Variants in MON2 observed in about 807,000 individuals in gnomAD.
MON2 encodes the protein MON2 regulator of endosome-to-Golgi trafficking.
In MON2, 84 loss-of-function variants were observed where a neutral mutation model predicts 208.6. That is an observed-to-expected ratio of 0.40 (90% CI 0.34 to 0.48). The LOEUF is 0.48. Ranked by LOEUF, MON2 falls within the 20% of genes least tolerant of loss-of-function variation. The pLI is 0.59. For missense variants in MON2, 1,611 were observed against 2,015.4 expected (o/e 0.80, Z 3.84); for synonymous variants, 660 against 694.0 (o/e 0.95, Z 0.77).
chr12:62,534,882 C>T lies in MON2; in HGVS notation c.1671C>T (p.Cys557=), dbSNP rs374699348. 6.2e-7 allele frequency: 1 copy of T among 1,611,900 alleles called. No homozygotes were observed. Among genetic ancestry groups the T allele is most frequent in the Non-Finnish European group, 8.5e-7 (1 of 1,178,860 alleles). ...TTTGGGAAGAAATGGTGAATGCCTG[C>T]TGGTGTGGTCTTCTTGCTGCACTCT... ...RAVWEEMVNA[C]WCGLLAALSL... Residue 557 remains cysteine, a synonymous_variant, in exon 13 of 35, where the codon TGC becomes TGT. Transcript: ENST00000393630.
intron 32 of MON2, among the ~76,000 whole-genome samples, chr12:62,584,585 C>A (rs1378991463): frequency 6.6e-6 from 1 of 151,722 alleles, no homozygotes; most frequent in Non-Finnish European, 1.5e-5. Context: ...TGCCTGTAGT[C>A]CCAGCTATTC....
intron 15 of MON2, 58 bp downstream of exon 15, chr12:62,537,321 C>A: frequency 8.0e-7 from 1 of 1,244,804 alleles, no homozygotes; most frequent in Admixed American, 2.0e-5. Context: ...CTTGTTGTAC[C>A]TATCTTTGTG....
At chr12:62,512,622 G>A (rs953228481) in intron 8 of MON2, among the ~76,000 whole-genome samples, 3 of 152,146 alleles carry the variant, frequency 2.0e-5, no homozygotes, top group Non-Finnish European at 4.4e-5. Flanking sequence ...GTGTCTGTGG[G>A]TCTTCCAGGT....
rs2074161804 is a variant in MON2 at position 62,560,548 on chromosome 12, G to A, written c.3467G>A (p.Ser1156Asn). The part of the protein sequence containing the change: ...LLDHIQSAAL[S>N]KNNEVSLAAL... ...GACCATATACAGTCAGCAGCACTCA[G>A]CAAAAACAATGAAGTATCTCTGGCT... Residue 1156 changes from serine to asparagine, a missense_variant, in exon 26 of 35, where the codon AGC (serine) becomes AAC (asparagine). Physicochemically the swap from Ser to Asn is conservative, Grantham distance 46. Coordinates refer to ENST00000393630, the MANE Select transcript of MON2 (RefSeq NM_015026.3). 6.2e-7 allele frequency: 1 copy of A among 1,613,828 alleles called. No homozygotes were observed. Among genetic ancestry groups the A allele is most frequent in the Non-Finnish European group, 8.5e-7 (1 of 1,179,950 alleles).
chr12:62,523,743 T>A (rs1352839783), intron 8 of MON2, among the ~76,000 whole-genome samples: 1 of 152,140 alleles, frequency 6.6e-6, no homozygotes, highest in African/African-American at 2.4e-5. Flanking sequence ...CAAGAATCAG[T>A]TTGGCCTAAT....
In MON2 at chr12:62,480,298, C is replaced by T. The variant is rs575747644; in HGVS notation, c.112-3872C>T. The stretch of plus-strand genomic sequence containing the variant: ...ACTTGACCAGGCACGGTGGCTCACC[C>T]CTATAATCTCAGCACTTTGGGAAGC... On this transcript the variant is annotated intron_variant, in intron 1 of 34. Transcript: ENST00000393630. Among the ~76,000 whole-genome samples the T allele has an allele frequency of 2.6e-5, 4 of 152,228 alleles. No homozygotes were observed. In the South Asian group the frequency reaches 8.3e-4, roughly 32 times the overall value.
chr12:62,474,102 T>C (rs1400076788), intron 1 of MON2, among the ~76,000 whole-genome samples: 2 of 151,662 alleles, frequency 1.3e-5, no homozygotes, highest in Non-Finnish European at 2.9e-5. Context: ...TAGAACTTCT[T>C]CTTTTTCTTT....
intron 7 of MON2, among the ~76,000 whole-genome samples, chr12:62,503,918 A>G (rs981630122): frequency 2.0e-5 from 3 of 151,900 alleles, no homozygotes; most frequent in African/African-American, 7.2e-5. Flanking sequence ...TATCTTTCTT[A>G]TCTCTCTTTT....
intron 8 of MON2, among the ~76,000 whole-genome samples, chr12:62,510,755 C>T (rs1273197990): frequency 1.3e-5 from 2 of 152,158 alleles, no homozygotes; most frequent in African/African-American, 4.8e-5. Context: ...CCTACTCTTG[C>T]CACTTCTATT....
rs1251354575 is a variant in MON2, at chr12:62,588,061, A to G, written c.4908-13A>G. ...AAAATCTTAATGGAAATGATTTCCTATCTCTTTTTCAGGCAACAAGTAACA... is the reference window on the plus strand; with the variant it reads ...AAAATCTTAATGGAAATGATTTCCTGTCTCTTTTTCAGGCAACAAGTAACA... On this transcript the variant is annotated splice_polypyrimidine_tract_variant and intron_variant, in intron 33 of 34. Coordinates refer to ENST00000393630, the MANE Select transcript of MON2 (RefSeq NM_015026.3). 5 of 1,499,848 alleles carry G rather than the reference A, an allele frequency of 3.3e-6. No homozygotes were observed. Among genetic ancestry groups the G allele is most frequent in the Middle Eastern group, 1.8e-4 (1 of 5,614 alleles). The allele number at this position is 1,499,848 out of a possible 1,614,324, so 92.9% of individuals were successfully genotyped here.
At position 62,591,883 on chromosome 12, in the gene MON2, TA is replaced by T. The variant is rs1245905392; in HGVS notation, c.4991-695del. Among the ~76,000 whole-genome samples the T allele has an allele frequency of 2.0e-5, 3 of 152,182 alleles. No homozygotes were observed. The East Asian group carries it at 5.8e-4, about 29-fold the overall frequency. Reference sequence around the variant, plus strand: ...AAAATTTTAAAAATACCTAAAAGTCTAAAAAAAATCTTGCATATTGGGTGCC... The same window carrying T: ...AAAATTTTAAAAATACCTAAAAGTCTAAAAAAATCTTGCATATTGGGTGCC... On this transcript the variant is annotated intron_variant, in intron 34 of 34. Transcript: ENST00000393630.
chr12:62,544,819 C>T, intron 20 of MON2, 79 bp from the exon 21 acceptor site: 2 of 1,559,868 alleles, frequency 1.3e-6, no homozygotes, highest in Admixed American at 3.7e-5. Context: ...CCTTATTGAA[C>T]ATTTGATATA....
intron 22 of MON2, 108 bp from the exon 23 acceptor site, chr12:62,549,560 C>A: frequency 1.1e-6 from 1 of 915,588 alleles, no homozygotes; most frequent in Non-Finnish European, 1.6e-6. Flanking sequence ...GAGAGTGAGG[C>A]ATGATCGCAC....
intron 11 of MON2, among the ~76,000 whole-genome samples, chr12:62,531,035 G>A (rs1182283216): frequency 2.0e-5 from 3 of 152,106 alleles, no homozygotes; most frequent in Non-Finnish European, 2.9e-5. Flanking sequence ...CATGTTGGGC[G>A]AAATGTCTAT....
rs573513159 is a variant in MON2, at chr12:62,586,597, A to T, written c.4907+1096A>T. ...AGCTATTTGTATTTCTTCTTTTAGG[A>T]TCCAGTGTATTTTGAATTTCTAGAA... On this transcript the variant is annotated intron_variant, in intron 33 of 34. Coordinates refer to ENST00000393630, the MANE Select transcript of MON2 (RefSeq NM_015026.3). Among the ~76,000 whole-genome samples the T allele has an allele frequency of 7.9e-5, 12 of 152,232 alleles. No homozygotes were observed. In the East Asian group the frequency reaches 2.3e-3, roughly 29 times the overall value.
In MON2 at chr12:62,562,711, G is replaced by A. The variant is rs142111899; in HGVS notation, c.4032+1598G>A. ...TTATCCTTAAACTAATAGTTATCGAGCAAAACACTTTATTGATAGAAAGCT... is the reference window on the plus strand; with the variant it reads ...TTATCCTTAAACTAATAGTTATCGAACAAAACACTTTATTGATAGAAAGCT... On this transcript the variant is annotated intron_variant, in intron 26 of 34. Coordinates refer to ENST00000393630, the MANE Select transcript of MON2 (RefSeq NM_015026.3). Among the ~76,000 whole-genome samples, 51 of 152,136 alleles carry A rather than the reference G, an allele frequency of 3.4e-4. No homozygotes were observed. The East Asian group carries it at 9.5e-3, about 28-fold the overall frequency.
rs535699760 is a variant in MON2, at chr12:62,553,331, C to A, written c.3210+157C>A. On this transcript the variant is annotated intron_variant, in intron 24 of 34. Coordinates refer to ENST00000393630, the MANE Select transcript of MON2 (RefSeq NM_015026.3). ...TAACTGTGTCATATTGTAAATTGTA[C>A]CTCATAAAGAGCAAATTAAATATTA... 7.8e-6 allele frequency: 5 copies of A among 638,104 alleles called. No individual in the cohort carries two copies. In the South Asian group the frequency reaches 1.4e-4, roughly 18 times the overall value. 39.5% of individuals were successfully genotyped at this position (638,104 alleles called of 1,614,324 possible).
rs1288385858 is a variant in MON2 at position 62,546,984 on chromosome 12, T to C, written c.2665T>C (p.Leu889=). 1.9e-6 allele frequency: 3 copies of C among 1,613,202 alleles called. No individual in the cohort carries two copies. The highest frequency in any genetic ancestry group is 2.5e-6 in the Non-Finnish European group (3 of 1,179,418). The change falls in exon 22 of 35, where the codon TTG becomes CTG. Residue 889 remains leucine (L), a synonymous_variant. Coordinates refer to ENST00000393630, the MANE Select transcript of MON2 (RefSeq NM_015026.3). ...DIRLKQLECV[L]QILQSQGDSL... ...TCGACTCAAGCAGTTAGAATGCGTG[T>C]TGCAGATTCTGCAGAGTCAGGGAGA...
At chr12:62,521,355 A>C (rs1051231121) in intron 8 of MON2, among the ~76,000 whole-genome samples, 1 of 152,332 alleles carries the variant, frequency 6.6e-6, no homozygotes, top group African/African-American at 2.4e-5. Flanking sequence ...TTTTAAAATC[A>C]TACGTGGCAG....
Sources: allele counts gnomAD v4.1 joint callset (sites outside exome capture counted in the v4.1 genomes callset), GRCh38; gene constraint gnomAD v4.1.1; transcripts MANE v1.5; gene names NCBI Gene and HGNC (gene_info 2026-07-23, HGNC 2026-07-21).